The following ANK2 variants were observed in gnomAD, a reference collection of about 807,000 sequenced individuals.
The protein encoded by ANK2 is ankyrin 2.
ANK2 carries 83 observed loss-of-function variants against 360.5 expected under a neutral mutation model. The observed-to-expected ratio is 0.23, with a 90% CI of 0.19 to 0.28. The LOEUF (loss-of-function observed/expected upper bound fraction) is 0.28. Among genes scored for constraint, ANK2 ranks in the 10% least tolerant of loss-of-function variants. The pLI, the probability that ANK2 is intolerant of heterozygous loss-of-function variation, is 1.00. For synonymous variants in ANK2, 1,740 were observed against 1,759.5 expected, an observed-to-expected ratio of 0.99 and a Z score of 0.28; for missense variants, 4,201 against 4,795.7, an observed-to-expected ratio of 0.88 and a Z score of 3.66.
intron 2 of ANK2, among the ~76,000 whole-genome samples, chr4:113,038,161 C>A (rs534814339): frequency 6.6e-6 from 1 of 151,400 alleles, no homozygotes; most frequent in Admixed American, 6.6e-5. Context: ...AGAGGAGGGG[C>A]CAAGGAGAGT....
At chr4:112,752,859 T>G in the ANK2 span, among the ~76,000 whole-genome samples, 1 of 152,220 alleles carries the variant, frequency 6.6e-6, no homozygotes, top group African/African-American at 2.4e-5. Context: ...AGAGAAGAGA[T>G]TTCATCATGC....
intron 1 of ANK2, among the ~76,000 whole-genome samples, chr4:113,116,057 T>C (rs1237903820): frequency 2.6e-5 from 4 of 152,188 alleles, no homozygotes; most frequent in Non-Finnish European, 4.4e-5. Context: ...TATGGCAGTA[T>C]AGGTAATTGG....
intron 1 of ANK2, among the ~76,000 whole-genome samples, chr4:113,153,598 C>T (rs957318367): frequency 9.9e-5 from 15 of 152,106 alleles, no homozygotes; most frequent in African/African-American, 3.4e-4. Flanking sequence ...TGATATTCAG[C>T]TTTTTATGCA....
At chr4:112,938,062 A>G (rs763074530) in intron 2 of ANK2, among the ~76,000 whole-genome samples, 35 of 152,216 alleles carry the variant, frequency 2.3e-4, no homozygotes, top group Non-Finnish European at 4.7e-4. Flanking sequence ...ACTATTTACT[A>G]TATTCATAAT....
At chr4:113,238,916 T>C (rs2153562525) in intron 7 of ANK2, among the ~76,000 whole-genome samples, 1 of 152,256 alleles carries the variant, frequency 6.6e-6, no homozygotes, top group Non-Finnish European at 1.5e-5. Context: ...TTTTTGCAAA[T>C]GATATTACTA....
In ANK2 at chr4:113,255,946, A is replaced by T. The variant is rs2153626902; in HGVS notation, c.1188+14A>T. ...GCCAGAGCCCTGGTAAACTTGGCCC[A>T]GTCCACATTAACTGAATACAGATTG... On this transcript the variant is annotated intron_variant, in intron 11 of 45. Transcript: ENST00000357077. 6.2e-7 allele frequency: 1 copy of T among 1,612,628 alleles called. No individual in the cohort carries two copies. Among genetic ancestry groups the T allele is most frequent in the Non-Finnish European group, 8.5e-7 (1 of 1,178,728 alleles).
the ANK2 span, among the ~76,000 whole-genome samples, chr4:112,753,516 T>G: frequency 1.3e-5 from 2 of 152,170 alleles, no homozygotes; most frequent in Non-Finnish European, 2.9e-5. Context: ...TGAGACCTGC[T>G]GGGCTGCATT....
intron 41 of ANK2, among the ~76,000 whole-genome samples, chr4:113,366,535 A>G (rs1463103162): frequency 6.6e-6 from 1 of 151,210 alleles, no homozygotes; most frequent in Non-Finnish European, 1.5e-5. Context: ...CTCTGTCTCT[A>G]TCGCACTGGT....
At chr4:113,117,238 G>A (rs1202204897) in intron 1 of ANK2, 2 of 453,156 alleles carry the variant, frequency 4.4e-6, no homozygotes, top group South Asian at 1.6e-5. Flanking sequence ...CTGGATTGCT[G>A]GGGAGTGGAA....
At chr4:112,887,946 A>ATT (rs1054645320) in intron 1 of ANK2, among the ~76,000 whole-genome samples, 36 of 152,214 alleles carry the variant, frequency 2.4e-4, no homozygotes, top group African/African-American at 8.7e-4. Context: ...TTTGATAAAT[A>ATT]TTTTACCATT....
intron 24 of ANK2, among the ~76,000 whole-genome samples, chr4:113,313,508 G>C (rs1055934570): frequency 6.6e-6 from 1 of 152,154 alleles, no homozygotes; most frequent in Non-Finnish European, 1.5e-5. Context: ...GTCTCCACTT[G>C]CATTTCTAGA....
intron 1 of ANK2, among the ~76,000 whole-genome samples, chr4:112,842,770 T>G (rs1402183087): frequency 6.6e-6 from 1 of 152,194 alleles, no homozygotes; most frequent in African/African-American, 2.4e-5. Context: ...GACCGCTGCC[T>G]TAATCTATTA....
chr4:112,843,204 T>C (rs1020453883), intron 1 of ANK2, among the ~76,000 whole-genome samples: 2 of 152,246 alleles, frequency 1.3e-5, no homozygotes, highest in African/African-American at 4.8e-5. Flanking sequence ...GATTAGGTGA[T>C]GGACATGTTT....
chr4:113,033,962 A>G (rs1191295612), intron 2 of ANK2: 1 of 151,900 alleles, frequency 6.6e-6, no homozygotes, highest in African/African-American at 2.4e-5. Context: ...AGGTCTCCAG[A>G]CCCAGTGGGT....
At chr4:113,110,495 A>C (rs1204027824) in intron 1 of ANK2, among the ~76,000 whole-genome samples, 2 of 152,202 alleles carry the variant, frequency 1.3e-5, no homozygotes, top group Admixed American at 1.3e-4. Flanking sequence ...TTGGTAAAGA[A>C]GTGAAAATGG....
At chr4:113,237,229 TG>T (rs2099390258) in intron 6 of ANK2, 57 bp downstream of exon 6, 1 of 1,553,412 alleles carries the variant, frequency 6.4e-7, no homozygotes, top group East Asian at 2.2e-5. Context: ...AGACTCCTCC[TG>T]GGGGATGATA....
the ANK2 span, among the ~76,000 whole-genome samples, chr4:112,742,168 G>A: frequency 1.3e-5 from 2 of 152,114 alleles, no homozygotes; most frequent in Admixed American, 6.6e-5. Flanking sequence ...TTAAGTCCCA[G>A]CTACTTGGGA....
rs189089993 is a variant in ANK2 at position 112,875,620 on chromosome 4, G to C, written c.-39-28835G>C. Among the ~76,000 whole-genome samples, 294 of 152,108 alleles carry C rather than the reference G, an allele frequency of 1.9e-3. 1 individual carries two copies. The highest frequency in any genetic ancestry group is 6.8e-3 in the African/African-American group (284 of 41,466). On this transcript the variant is annotated intron_variant, in intron 1 of 30. Transcript: ENST00000503271. ...CAAAGTGTTGGGATTACAAGTGTGA[G>C]CCACCACGCACAGCCCCTTATTACC... is the stretch of plus-strand genomic sequence containing the variant.
chr4:112,995,665 A>G (rs1193352009), intron 2 of ANK2, among the ~76,000 whole-genome samples: 3 of 152,100 alleles, frequency 2.0e-5, no homozygotes, highest in Non-Finnish European at 4.4e-5. Flanking sequence ...CAAATTTGCC[A>G]AGAACAATTT....
Sources: gnomAD v4.1 joint callset for allele counts (sites outside exome capture counted in the v4.1 genomes callset) on GRCh38, gnomAD v4.1.1 for gene constraint, MANE v1.5 for transcripts, NCBI Gene and HGNC (gene_info 2026-07-23, HGNC 2026-07-21) for gene names.